LRMDA: variants seen among roughly 807,000 people sequenced by gnomAD.
LRMDA encodes the protein leucine rich melanocyte differentiation associated.
Under a neutral mutation model 29.8 loss-of-function variants are expected in LRMDA, and 18 were observed. That is an observed-to-expected ratio of 0.60 (90% CI 0.42 to 0.90). LRMDA has a LOEUF of 0.90. Ranked by LOEUF, LRMDA falls within the 40% of genes least tolerant of loss-of-function variation. The probability of loss-of-function intolerance (pLI) is 0.00; values close to 1 mark genes in which losing one functional copy is unlikely to be tolerated. For synonymous variants in LRMDA, 125 were observed against 109.4 expected (o/e 1.14, Z -0.89); for missense variants, 273 against 273.9 (o/e 1.00, Z 0.02).
intron 2 of LRMDA, among the ~76,000 whole-genome samples, chr10:75,981,873 G>A (rs1346893743): frequency 6.6e-6 from 1 of 150,416 alleles, no homozygotes; most frequent in Non-Finnish European, 1.5e-5. Flanking sequence ...AAAAAAGTGA[G>A]TGAGTGATAG....
chr10:75,848,816 T>A (rs916028368), intron 2 of LRMDA, among the ~76,000 whole-genome samples: 1 of 152,152 alleles, frequency 6.6e-6, no homozygotes, highest in Non-Finnish European at 1.5e-5. Context: ...ATCTGGCACA[T>A]CCTCTTTTCT....
At chr10:75,811,140 AATG>A (rs1325912549) in intron 2 of LRMDA, among the ~76,000 whole-genome samples, 1 of 152,184 alleles carries the variant, frequency 6.6e-6, no homozygotes, top group Non-Finnish European at 1.5e-5. Flanking sequence ...TGGTGGAAAT[AATG>A]ATATCTTCCC....
At chr10:76,505,210 G>A (rs890378944) in intron 6 of LRMDA, among the ~76,000 whole-genome samples, 9 of 151,694 alleles carry the variant, frequency 5.9e-5, no homozygotes, top group South Asian at 4.2e-4. Flanking sequence ...GTAAATGAAC[G>A]GATCCTTCTC....
chr10:75,587,542 A>T (rs1447048606), intron 2 of LRMDA, among the ~76,000 whole-genome samples: 2 of 152,240 alleles, frequency 1.3e-5, no homozygotes, highest in East Asian at 3.8e-4. Context: ...GTATTATAAA[A>T]TGGATAGACT....
chr10:75,621,224 A>ACACACCCACC (rs1554816440), intron 2 of LRMDA, among the ~76,000 whole-genome samples: 4 of 143,168 alleles, frequency 2.8e-5, no homozygotes, highest in African/African-American at 1.0e-4. Context: ...ACACACACAC[A>ACACACCCACC]CCCACACACC....
At chr10:75,451,040 T>C (rs568238807) in intron 2 of LRMDA, 1 of 152,376 alleles carries the variant, frequency 6.6e-6, no homozygotes, top group East Asian at 1.9e-4. Flanking sequence ...AAGGTGCTTT[T>C]GTTTCAAACT....
chr10:75,687,172 C>T, intron 2 of LRMDA, among the ~76,000 whole-genome samples: 1 of 152,182 alleles, frequency 6.6e-6, no homozygotes, highest in East Asian at 1.9e-4. Context: ...AGTCACATAC[C>T]TCTCACTTTA....
At chr10:76,419,444 A>G (rs1055919854) in intron 6 of LRMDA, among the ~76,000 whole-genome samples, 2 of 152,096 alleles carry the variant, frequency 1.3e-5, no homozygotes, top group African/African-American at 4.8e-5. Flanking sequence ...GTGCTGAATA[A>G]CATTCATTGT....
intron 2 of LRMDA, among the ~76,000 whole-genome samples, chr10:75,774,676 G>C (rs1314187873): frequency 6.6e-6 from 1 of 152,016 alleles, no homozygotes; most frequent in East Asian, 1.9e-4. Context: ...ATAAACTAGT[G>C]ATCAGTAGCC....
At chr10:76,543,544 T>C (rs1447252987) in intron 6 of LRMDA, among the ~76,000 whole-genome samples, 1 of 152,104 alleles carries the variant, frequency 6.6e-6, no homozygotes, top group Non-Finnish European at 1.5e-5. Flanking sequence ...GTTTACTGAT[T>C]GATTAATAGG....
At position 75,482,931 on chromosome 10, in the gene LRMDA, A is replaced by ACCTTTCCTTT. The variant is rs546277448; in HGVS notation, c.131+44447_131+44456dup. 7.1e-3 allele frequency among the ~76,000 whole-genome samples: 1,077 copies of ACCTTTCCTTT among 151,608 alleles called. 11 individuals are homozygous for ACCTTTCCTTT. The highest frequency in any genetic ancestry group is 0.025 in the African/African-American group (1,017 of 41,298). On this transcript the variant is annotated intron_variant, in intron 2 of 6. Coordinates refer to ENST00000611255, the MANE Select transcript of LRMDA (RefSeq NM_001305581.2). Reference sequence around the variant, plus strand: ...GTTAATCACATTTTCAGCTTAGTTAACCTTTCCTTTCCTTTCCTTCTTTTT... The same window carrying ACCTTTCCTTT: ...GTTAATCACATTTTCAGCTTAGTTAACCTTTCCTTTCCTTTCCTTTCCTTTCCTTCTTTTT...
chr10:76,321,734 C>T (rs1230738128), intron 5 of LRMDA, among the ~76,000 whole-genome samples: 1 of 152,120 alleles, frequency 6.6e-6, no homozygotes, highest in Non-Finnish European at 1.5e-5. Flanking sequence ...CACCTGAGGC[C>T]AGGAGTTGGA....
chr10:75,986,535 T>C (rs1251464618), intron 2 of LRMDA, among the ~76,000 whole-genome samples: 1 of 152,274 alleles, frequency 6.6e-6, no homozygotes, highest in African/African-American at 2.4e-5. Flanking sequence ...TAACCTGGCA[T>C]TACAACTAGC....
At chr10:76,411,970 C>T (rs527886798) in intron 6 of LRMDA, among the ~76,000 whole-genome samples, 3 of 152,348 alleles carry the variant, frequency 2.0e-5, no homozygotes, top group South Asian at 2.1e-4. Flanking sequence ...GCAAAATCTC[C>T]GAGTGCTATT....
chr10:75,447,601 G>A (rs1844410077), intron 2 of LRMDA, among the ~76,000 whole-genome samples: 1 of 152,172 alleles, frequency 6.6e-6, no homozygotes, highest in Non-Finnish European at 1.5e-5. Flanking sequence ...CTCCCTGCCT[G>A]TAGAAGTGTC....
Position 75,472,979 on chromosome 10 carries a change from C to T in LRMDA, c.131+34485C>T, listed in dbSNP as rs897554745. On this transcript the variant is annotated intron_variant, in intron 2 of 6. Coordinates refer to ENST00000611255, the MANE Select transcript of LRMDA (RefSeq NM_001305581.2). The stretch of plus-strand genomic sequence containing the variant: ...TGAGAAGGAGATTGGCATGATCTGC[C>T]GTGTTGGTCACCTTTAGCTTTGAGT... 2.6e-5 allele frequency among the ~76,000 whole-genome samples: 4 copies of T among 152,294 alleles called. No homozygotes were observed. In the East Asian group the frequency reaches 5.8e-4, roughly 22 times the overall value.
intron 5 of LRMDA, among the ~76,000 whole-genome samples, chr10:76,247,986 T>C (rs1852406099): frequency 6.6e-6 from 1 of 152,106 alleles, no homozygotes; most frequent in Admixed American, 6.5e-5. Context: ...TATCATGTTT[T>C]CTCAAATAAT....
At chr10:76,234,908 A>G (rs1028168204) in intron 5 of LRMDA, among the ~76,000 whole-genome samples, 16 of 152,286 alleles carry the variant, frequency 1.1e-4, no homozygotes, top group African/African-American at 3.9e-4. Context: ...AGGCTGTTTC[A>G]CTTTCTTATC....
intron 2 of LRMDA, among the ~76,000 whole-genome samples, chr10:75,587,600 G>A (rs943814212): frequency 7.2e-5 from 11 of 152,192 alleles, no homozygotes; most frequent in African/African-American, 2.7e-4. Flanking sequence ...TCCTCTGTCC[G>A]TGGCTCTATG....
Sources: allele counts gnomAD v4.1 joint callset (sites outside exome capture counted in the v4.1 genomes callset), GRCh38; gene constraint gnomAD v4.1.1; transcripts MANE v1.5; gene names NCBI Gene and HGNC (gene_info 2026-07-23, HGNC 2026-07-21).